The following NCOR2 variants were observed in gnomAD, a reference collection of about 807,000 sequenced individuals.
NCOR2 encodes the protein nuclear receptor corepressor 2.
A neutral mutation model predicts 262.9 loss-of-function variants in NCOR2; 81 were observed. The ratio of observed to expected loss-of-function variants is 0.31; its 90% CI spans 0.26 to 0.37. The LOEUF (loss-of-function observed/expected upper bound fraction) is 0.37, where lower values mean the gene tolerates loss of function less well. Among genes scored for constraint, NCOR2 ranks in the 10% least tolerant of loss-of-function variants. NCOR2 has a pLI of 1.00. For synonymous variants in NCOR2, 1,659 were observed against 1,559.3 expected, an observed-to-expected ratio of 1.06 and a Z score of -1.51; for missense variants, 3,385 against 3,621.4, an observed-to-expected ratio of 0.93 and a Z score of 1.68.
At chr12:124,416,397 C>A (rs757704560) in intron 13 of NCOR2, among the ~76,000 whole-genome samples, 12 of 152,318 alleles carry the variant, frequency 7.9e-5, no homozygotes, top group Non-Finnish European at 1.6e-4. Flanking sequence ...ATGCTCCCTG[C>A]CTTTGCACTT....
intron 8 of NCOR2, among the ~76,000 whole-genome samples, chr12:124,430,994 GCACACAGGCACATACAAGT>G (rs1003036634): frequency 1.4e-5 from 2 of 147,990 alleles, no homozygotes; most frequent in African/African-American, 5.0e-5. Context: ...AGGCACACAA[GCACACAGGCACATACAAGT>G]CACACAGGCA....
At chr12:124,350,215 T>C (rs563569225) in intron 28 of NCOR2, among the ~76,000 whole-genome samples, 1 of 152,118 alleles carries the variant, frequency 6.6e-6, no homozygotes, top group Admixed American at 6.5e-5. Flanking sequence ...TGGGACACAG[T>C]GGGGCGAGGG....
exon 46 of NCOR2, chr12:124,326,340 C>G: frequency 6.6e-7 from 1 of 1,521,412 alleles, no homozygotes; most frequent in Non-Finnish European, 8.8e-7. Flanking sequence ...GCTGCTGGGT[C>G]TGCCAGAGAC....
intron 20 of NCOR2, among the ~76,000 whole-genome samples, chr12:124,367,949 C>T (rs1027999228): frequency 2.0e-5 from 3 of 152,196 alleles, no homozygotes; most frequent in Admixed American, 6.5e-5. Context: ...CCTTTGTTTT[C>T]TTGGAAGGCA....
At chr12:124,406,452 T>G (rs528250052) in intron 13 of NCOR2, among the ~76,000 whole-genome samples, 1 of 152,284 alleles carries the variant, frequency 6.6e-6, no homozygotes, top group East Asian at 1.9e-4. Context: ...GAGTGAGGCC[T>G]TCAAGAATCC....
intron 1 of NCOR2, among the ~76,000 whole-genome samples, chr12:124,501,871 A>G (rs1054806227): frequency 6.6e-6 from 1 of 152,212 alleles, no homozygotes; most frequent in Non-Finnish European, 1.5e-5. Context: ...TAGGCATCTA[A>G]TAAATATTTA....
At chr12:124,425,858 G>A (rs564114946) in intron 11 of NCOR2, among the ~76,000 whole-genome samples, 1 of 152,098 alleles carries the variant, frequency 6.6e-6, no homozygotes. Context: ...CTGAGCCTCC[G>A]TGTCATCAGC....
chr12:124,486,373 G>A (rs1270062522), intron 2 of NCOR2, 68 bp downstream of exon 4: 5 of 1,577,498 alleles, frequency 3.2e-6, no homozygotes, highest in Non-Finnish European at 4.3e-6. Context: ...TCTGCCACGG[G>A]CCTCTGCTTC....
In NCOR2 at chr12:124,327,664, C is replaced by A. The variant is rs763245518; in HGVS notation, c.6959-31G>T. On this transcript the variant is annotated intron_variant, in intron 44 of 46. Coordinates refer to ENST00000405201, the Ensembl canonical transcript of NCOR2. ...AGAGAGAGACAGACAGACAGACAGA[C>A]ACATGGGGGCCGGGGAGGGGGAGCC... 6.7e-5 allele frequency: 103 copies of A among 1,531,976 alleles called. 1 individual carries two copies. In the South Asian group the frequency reaches 1.1e-3, roughly 17 times the overall value. 94.9% of individuals were successfully genotyped at this position (1,531,976 alleles called of 1,614,324 possible). A position where few individuals can be genotyped will look rare whatever the true frequency, so the allele number is the denominator to read the frequency against.
rs558617247 is a variant in NCOR2, at chr12:124,565,332, G to C, written c.-165+1976C>G. Among the ~76,000 whole-genome samples, 15 of 152,260 alleles carry C rather than the reference G, an allele frequency of 9.9e-5. No homozygotes were observed. In the East Asian group the frequency reaches 2.1e-3, roughly 22 times the overall value. ...GCAGTGAATTTCCAAGCAGGGACAC[G>C]GCAGGCGGCTCAGGGAAGCCAGACA... On this transcript the variant is annotated intron_variant, in intron 1 of 32. Transcript: ENST00000458234.
chr12:124,330,987 T>A, intron 43 of NCOR2, 89 bp from the exon 46 acceptor site: 1 of 1,358,294 alleles, frequency 7.4e-7, no homozygotes, highest in Non-Finnish European at 1.0e-6. Flanking sequence ...CCAGGTGTGC[T>A]GGCATCACCT....
chr12:124,364,948 C>T (rs11057596), intron 20 of NCOR2, among the ~76,000 whole-genome samples: 3,321 of 150,192 alleles, frequency 0.022, 118 homozygotes, highest in African/African-American at 0.078. Flanking sequence ...CAGCCTGGAC[C>T]GTGTTTGCGG....
At chr12:124,502,765 G>A (rs1369164498) in intron 1 of NCOR2, among the ~76,000 whole-genome samples, 5 of 152,182 alleles carry the variant, frequency 3.3e-5, no homozygotes, top group South Asian at 4.1e-4. Flanking sequence ...TGCCTCTGGC[G>A]TCTCTGTGTT....
chr12:124,389,568 C>T lies in NCOR2; in HGVS notation c.1877-3681G>A, dbSNP rs935999205. ...TCCGCCATCATCCCCCGCCGCCCGTCCCCCCACCCTCCGTGTCAGTTCCAC... is the reference window on the plus strand; with the variant it reads ...TCCGCCATCATCCCCCGCCGCCCGTTCCCCCACCCTCCGTGTCAGTTCCAC... On this transcript the variant is annotated intron_variant, in intron 16 of 46. Transcript: ENST00000405201. This position sits in a 1 kb window ranked among gnomAD's most constrained non-coding sequence, Gnocchi z 4.4. Among the ~76,000 whole-genome samples, 22 of 152,202 alleles carry T rather than the reference C, an allele frequency of 1.4e-4. No homozygotes were observed. The East Asian group carries it at 4.1e-3, about 28-fold the overall frequency.
Position 124,325,377 on chromosome 12 carries a change from G to GCCCCCCCCCCCCCCCCC in NCOR2, c.*24_*25insGGGGGGGGGGGGGGGGG, listed in dbSNP as rs58967881. 9.6e-5 allele frequency: 24 copies of GCCCCCCCCCCCCCCCCC among 251,134 alleles called. 4 individuals carry two copies. Among genetic ancestry groups the GCCCCCCCCCCCCCCCCC allele is most frequent in the Non-Finnish European group, 1.3e-4 (20 of 154,308 alleles). 15.6% of individuals were successfully genotyped at this position (251,134 alleles called of 1,614,324 possible). ...CTGTGGCTCGCTGGGACCTGACACCGCCCCCCCCCCCGCCCTGTTCTGAGT... is the reference window on the plus strand; with the variant it reads ...CTGTGGCTCGCTGGGACCTGACACCGCCCCCCCCCCCCCCCCCCCCCCCCCCCCGCCCTGTTCTGAGT... On this transcript the variant is annotated 3_prime_UTR_variant, in exon 47 of 47. Coordinates refer to ENST00000405201, the Ensembl canonical transcript of NCOR2.
intron 28 of NCOR2, chr12:124,348,765 A>G (rs1322049771): frequency 1.1e-5 from 2 of 176,752 alleles, no homozygotes; most frequent in Non-Finnish European, 2.4e-5. Flanking sequence ...TCAGCAGCAG[A>G]GTGTGGATGT....
chr12:124,340,748 A>T, exon 35 of NCOR2: 1 of 1,539,376 alleles, frequency 6.5e-7, no homozygotes, highest in South Asian at 1.3e-5. Flanking sequence ...CAGGTCGATG[A>T]TGCCTGCGGG....
chr12:124,392,514 C>T (rs904033943), intron 16 of NCOR2, among the ~76,000 whole-genome samples: 1 of 152,122 alleles, frequency 6.6e-6, no homozygotes, highest in Admixed American at 6.5e-5. Flanking sequence ...GCTCGAGTGT[C>T]GCCTCCTGCT....
At chr12:124,489,830 C>G (rs1296670989) in intron 1 of NCOR2, among the ~76,000 whole-genome samples, 1 of 152,082 alleles carries the variant, frequency 6.6e-6, no homozygotes, top group Non-Finnish European at 1.5e-5. Context: ...GAGAAAGGGG[C>G]TAGATGCGGG....
Sources: gnomAD v4.1 joint callset for allele counts (sites outside exome capture counted in the v4.1 genomes callset) on GRCh38, gnomAD v4.1.1 for gene constraint, Gnocchi (gnomAD v3.1) non-coding constraint, MANE v1.5 for transcripts, NCBI Gene and HGNC (gene_info 2026-07-23, HGNC 2026-07-21) for gene names.